The following SUGCT variants were observed in gnomAD, a reference collection of about 807,000 sequenced individuals.
SUGCT encodes succinyl-CoA:glutarate CoA-transferase.
SUGCT carries 41 observed loss-of-function variants against 55.0 expected under a neutral mutation model. That is an observed-to-expected ratio of 0.74 (90% CI 0.58 to 0.97). The LOEUF (loss-of-function observed/expected upper bound fraction) is 0.97. Ranked by LOEUF, SUGCT falls within the 50% of genes least tolerant of loss-of-function variation. The pLI is 0.00. For missense variants in SUGCT, 568 were observed against 547.8 expected, an observed-to-expected ratio of 1.04 and a Z score of -0.37; for synonymous variants, 187 against 200.4, an observed-to-expected ratio of 0.93 and a Z score of 0.56.
the SUGCT span, among the ~76,000 whole-genome samples, chr7:40,879,282 T>C: frequency 5.9e-5 from 9 of 152,338 alleles, no homozygotes; most frequent in South Asian, 1.9e-3. Flanking sequence ...GAGATAATAG[T>C]ATAATTAACC....
the SUGCT span, among the ~76,000 whole-genome samples, chr7:40,911,854 T>C: frequency 6.6e-6 from 1 of 152,138 alleles, no homozygotes; most frequent in Non-Finnish European, 1.5e-5. Context: ...GCTGAAGGAA[T>C]TGTAGTAACT....
At chr7:40,249,931 C>T (rs910460390) in intron 7 of SUGCT, among the ~76,000 whole-genome samples, 18 of 152,052 alleles carry the variant, frequency 1.2e-4, no homozygotes, top group African/African-American at 4.1e-4. Context: ...GGACTACAGG[C>T]GTGCACCACC....
chr7:41,016,403 G>GA, the SUGCT span, among the ~76,000 whole-genome samples: 1 of 152,088 alleles, frequency 6.6e-6, no homozygotes, highest in Non-Finnish European at 1.5e-5. Flanking sequence ...TTACATCCAG[G>GA]AGGGACTTGC....
intron 12 of SUGCT, among the ~76,000 whole-genome samples, chr7:40,557,696 C>T (rs549639943): frequency 9.2e-4 from 139 of 151,660 alleles, no homozygotes; most frequent in African/African-American, 3.2e-3. Context: ...TCACTTGCAC[C>T]CAGGAGGCGG....
chr7:40,830,641 T>A (rs1368155538), intron 13 of SUGCT, among the ~76,000 whole-genome samples: 1 of 152,194 alleles, frequency 6.6e-6, no homozygotes, highest in Non-Finnish European at 1.5e-5. Flanking sequence ...CTTGGCTGGA[T>A]TCATGTTTCT....
chr7:40,495,625 CTA>C lies in SUGCT; in HGVS notation c.987-657_987-656del. ...TGTGTTAGCTTCCCTTCCTTGAGAC[CTA>C]TTAGAGAAAATAAAGAAAATCCATG... On this transcript the variant is annotated intron_variant, in intron 11 of 13. Transcript: ENST00000335693. 3.3e-5 allele frequency among the ~76,000 whole-genome samples: 5 copies of C among 152,192 alleles called. 1 individual carries two copies. The East Asian group carries it at 9.7e-4, about 29-fold the overall frequency.
At chr7:40,747,439 A>G (rs954309969) in intron 12 of SUGCT, among the ~76,000 whole-genome samples, 1 of 152,230 alleles carries the variant, frequency 6.6e-6, no homozygotes, top group African/African-American at 2.4e-5. Context: ...GTGAGAAAAC[A>G]TTTTATTACT....
At chr7:40,581,396 G>A (rs780410877) in intron 12 of SUGCT, among the ~76,000 whole-genome samples, 1 of 152,078 alleles carries the variant, frequency 6.6e-6, no homozygotes, top group African/African-American at 2.4e-5. Context: ...TCCATTTCAG[G>A]GTTTCCAGAA....
At chr7:40,174,071 G>A (rs555692342) in intron 1 of SUGCT, among the ~76,000 whole-genome samples, 3 of 152,002 alleles carry the variant, frequency 2.0e-5, no homozygotes, top group South Asian at 4.2e-4. Context: ...CCCCCAGGCT[G>A]GAGTGCAGTG....
At chr7:40,240,226 G>A (rs1341312749) in intron 7 of SUGCT, among the ~76,000 whole-genome samples, 1 of 152,172 alleles carries the variant, frequency 6.6e-6, no homozygotes, top group African/African-American at 2.4e-5. Context: ...GCTCATGCTT[G>A]TAATCCCAGC....
chr7:40,353,153 C>T (rs930148572), intron 9 of SUGCT, among the ~76,000 whole-genome samples: 1 of 152,120 alleles, frequency 6.6e-6, no homozygotes, highest in African/African-American at 2.4e-5. Flanking sequence ...AGTCAAGATA[C>T]AGGATGCAAC....
chr7:40,805,852 T>C (rs911947627), intron 13 of SUGCT, among the ~76,000 whole-genome samples: 2 of 152,144 alleles, frequency 1.3e-5, no homozygotes, highest in African/African-American at 4.8e-5. Flanking sequence ...TAGAATAGGG[T>C]GTTGCTCTGA....
intron 7 of SUGCT, among the ~76,000 whole-genome samples, chr7:40,240,497 A>G (rs143090891): frequency 0.022 from 3,393 of 152,066 alleles, 57 homozygotes; most frequent in Non-Finnish European, 0.034. Flanking sequence ...AAAAAAAAAG[A>G]AAAGAATCAG....
the SUGCT span, among the ~76,000 whole-genome samples, chr7:40,974,733 C>T: frequency 6.6e-6 from 1 of 152,190 alleles, no homozygotes; most frequent in African/African-American, 2.4e-5. Context: ...ATTTCACCCT[C>T]ACTGATTGGT....
intron 1 of SUGCT, among the ~76,000 whole-genome samples, chr7:40,135,339 GGCTCCGTGCGCCGTGGGGTCCC>G (rs1787621799): frequency 6.6e-6 from 1 of 152,242 alleles, no homozygotes; most frequent in East Asian, 1.9e-4. Flanking sequence ...TGTGACCGAG[GGCTCCGTGCGCCGTGGGGTCCC>G]GCTCCTGCGC....
chr7:40,992,108 C>T, the SUGCT span, among the ~76,000 whole-genome samples: 99 of 152,214 alleles, frequency 6.5e-4, no homozygotes, highest in African/African-American at 2.3e-3. Flanking sequence ...TACTGGTTGG[C>T]TATGTTATGG....
the SUGCT span, among the ~76,000 whole-genome samples, chr7:40,924,550 A>G: frequency 6.6e-6 from 1 of 152,132 alleles, no homozygotes; most frequent in Non-Finnish European, 1.5e-5. Context: ...CACTATGCCC[A>G]GACTCAATTT....
chr7:40,415,579 A>C (rs1169292794), intron 9 of SUGCT, among the ~76,000 whole-genome samples: 1 of 151,746 alleles, frequency 6.6e-6, no homozygotes, highest in Non-Finnish European at 1.5e-5. Context: ...TGGTTATAAA[A>C]ACCTTGAGTA....
intron 6 of SUGCT, among the ~76,000 whole-genome samples, chr7:40,213,470 G>A (rs1393752172): frequency 1.3e-4 from 20 of 152,178 alleles, no homozygotes; most frequent in Admixed American, 1.3e-3. Context: ...ACTATCTGAT[G>A]TCACCATGAC....
Sources: allele counts gnomAD v4.1 joint callset (sites outside exome capture counted in the v4.1 genomes callset), GRCh38; gene constraint gnomAD v4.1.1; transcripts MANE v1.5; gene names NCBI Gene and HGNC (gene_info 2026-07-23, HGNC 2026-07-21).